PLCB1: variants seen among roughly 807,000 people sequenced by gnomAD.
PLCB1 encodes phospholipase C beta 1, also known as 1-phosphatidylinositol 4,5-bisphosphate phosphodiesterase beta-1.
Under a neutral mutation model 161.8 loss-of-function variants are expected in PLCB1, and 46 were observed. That is an observed-to-expected ratio of 0.28 (90% CI 0.22 to 0.36). The LOEUF is 0.36. PLCB1 is among the 10% of genes least tolerant of loss of function. The pLI is 1.00. For missense variants in PLCB1, 1,016 were observed against 1,472.5 expected (o/e 0.69, Z 5.07); for synonymous variants, 517 against 503.7 (o/e 1.03, Z -0.35).
chr20:8,595,026 T>C lies in PLCB1; in HGVS notation c.247-33268T>C, dbSNP rs576862244. 5.2e-4 allele frequency among the ~76,000 whole-genome samples: 79 copies of C among 152,344 alleles called. 2 individuals are homozygous for C. In the South Asian group the frequency reaches 0.016, roughly 31 times the overall value. ...CATTCAAAAGTATATATAGACTACA[T>C]AACATATGCATCTTAGGTGTAATAC... is the stretch of plus-strand genomic sequence containing the variant. On this transcript the variant is annotated intron_variant, in intron 3 of 31. Transcript: ENST00000338037.
chr20:8,772,939 A>G lies in PLCB1; in HGVS notation c.2931-1600A>G, dbSNP rs185839584. On this transcript the variant is annotated intron_variant, in intron 26 of 31. Transcript: ENST00000338037. ...GAGCAAAACTCCATCTCAAAAAAAGAAAGAAAAGAAAAGAAAAAAGATAAT... is the reference window on the plus strand; with the variant it reads ...GAGCAAAACTCCATCTCAAAAAAAGGAAGAAAAGAAAAGAAAAAAGATAAT... Among the ~76,000 whole-genome samples, 408 of 152,296 alleles carry G rather than the reference A, an allele frequency of 2.7e-3. 1 individual carries two copies. The highest frequency in any genetic ancestry group is 0.01 in the Middle Eastern group (3 of 294).
chr20:8,500,644 C>T (rs972434713), intron 3 of PLCB1, among the ~76,000 whole-genome samples: 1 of 152,188 alleles, frequency 6.6e-6, no homozygotes, highest in Non-Finnish European at 1.5e-5. Flanking sequence ...CACACCGTCT[C>T]TAAGTGTTTT....
intron 2 of PLCB1, among the ~76,000 whole-genome samples, chr20:8,299,131 A>AT (rs1353817834): frequency 6.6e-6 from 1 of 152,148 alleles, no homozygotes; most frequent in Non-Finnish European, 1.5e-5. Flanking sequence ...TAGCACCTGT[A>AT]CTTCCCATGC....
At chr20:8,513,701 G>A (rs77186775) in intron 3 of PLCB1, among the ~76,000 whole-genome samples, 13,137 of 152,164 alleles carry the variant, frequency 0.086, 689 homozygotes, top group Middle Eastern at 0.17. Context: ...ATGATAAAAC[G>A]CTACCAGAAC....
At chr20:8,574,834 T>G (rs57246131) in intron 3 of PLCB1, among the ~76,000 whole-genome samples, 1,704 of 152,340 alleles carry the variant, frequency 0.011, 32 homozygotes, top group African/African-American at 0.039. Context: ...TGTTAGGCCT[T>G]AAGCAGGCTC....
intron 3 of PLCB1, among the ~76,000 whole-genome samples, chr20:8,524,502 G>A (rs12625192): frequency 0.024 from 3,578 of 152,194 alleles, 112 homozygotes; most frequent in East Asian, 0.13. Context: ...CCTTGTAAAC[G>A]TGTCTTTGTC....
rs1446580504 is a variant in PLCB1, at chr20:8,140,271, T to C, written c.99+7521T>C. On this transcript the variant is annotated intron_variant, in intron 1 of 31. Coordinates refer to ENST00000338037, the MANE Select transcript of PLCB1 (RefSeq NM_015192.4). ...CCTGCTCCTCCAACCCTTCCAGTTT[T>C]TCTGTCAAGTGCTTACTTTATATTA... is the stretch of plus-strand genomic sequence containing the variant. 2.6e-5 allele frequency among the ~76,000 whole-genome samples: 4 copies of C among 152,352 alleles called. No individual in the cohort carries two copies. In the South Asian group the frequency reaches 6.2e-4, roughly 24 times the overall value.
Position 8,685,059 on chromosome 20 carries a change from G to T in PLCB1, c.990G>T (p.Ser330=). 1 of 1,613,810 alleles carries T rather than the reference G, an allele frequency of 6.2e-7. No individual in the cohort carries two copies. The highest frequency in any genetic ancestry group is 8.5e-7 in the Non-Finnish European group (1 of 1,179,860). ...TTTCTCACTATTTCATTAATTCCTC[G>T]CACAACACCTACCTCACAGGTATGA... ...QPLSHYFINS[S]HNTYLTAGQL... The change falls in exon 10 of 32, where the codon TCG becomes TCT. Residue 330 remains serine, a synonymous_variant. Coordinates refer to ENST00000338037, the MANE Select transcript of PLCB1 (RefSeq NM_015192.4).
chr20:8,722,932 T>C (rs1979728321), intron 15 of PLCB1, among the ~76,000 whole-genome samples: 2 of 152,164 alleles, frequency 1.3e-5, no homozygotes, highest in Non-Finnish European at 2.9e-5. Flanking sequence ...GGCAGGAGGA[T>C]GGCTTGAGTC....
At chr20:8,236,581 G>T (rs1339354417) in intron 2 of PLCB1, among the ~76,000 whole-genome samples, 1 of 151,790 alleles carries the variant, frequency 6.6e-6, no homozygotes, top group Non-Finnish European at 1.5e-5. Context: ...TAAATCAATT[G>T]GGTAACACAG....
At chr20:8,732,672 A>G (rs2123499122) in intron 18 of PLCB1, among the ~76,000 whole-genome samples, 1 of 146,232 alleles carries the variant, frequency 6.8e-6, no homozygotes, top group East Asian at 2.0e-4. Context: ...ATAATATTCT[A>G]ATATATGCTT....
chr20:8,833,338 T>C (rs1470776886), intron 31 of PLCB1, among the ~76,000 whole-genome samples: 2 of 152,138 alleles, frequency 1.3e-5, no homozygotes, highest in African/African-American at 4.8e-5. Flanking sequence ...TATAAAACCA[T>C]CAGATCTCAT....
At chr20:8,581,990 G>A (rs546369272) in intron 3 of PLCB1, among the ~76,000 whole-genome samples, 119 of 152,286 alleles carry the variant, frequency 7.8e-4, no homozygotes, top group African/African-American at 2.7e-3. Context: ...TGAGTCATGC[G>A]AATAGGTTGC....
chr20:8,837,178 C>T (rs2146285668), intron 31 of PLCB1, among the ~76,000 whole-genome samples: 1 of 152,222 alleles, frequency 6.6e-6, no homozygotes, highest in African/African-American at 2.4e-5. Context: ...TAAGGGCCTC[C>T]CTCAAGGCAG....
At chr20:8,380,329 C>A (rs1987219174) in intron 3 of PLCB1, among the ~76,000 whole-genome samples, 1 of 152,184 alleles carries the variant, frequency 6.6e-6, no homozygotes, top group East Asian at 1.9e-4. Flanking sequence ...GTACCAGTAC[C>A]ACCTGTTTCG....
Position 8,883,135 on chromosome 20 carries a change from A to G in PLCB1, c.*1286A>G, listed in dbSNP as rs1342885681. The G allele has an allele frequency of 6.6e-6, 1 of 152,286 alleles. No homozygotes were observed. The highest frequency in any genetic ancestry group is 2.4e-5 in the African/African-American group (1 of 41,466). The allele number at this position is 152,286 out of a possible 1,614,324, so 9.4% of individuals were successfully genotyped here. On this transcript the variant is annotated 3_prime_UTR_variant, in exon 32 of 32. Coordinates refer to ENST00000338037, the MANE Select transcript of PLCB1 (RefSeq NM_015192.4). The stretch of plus-strand genomic sequence containing the variant: ...TTTATATTTTGCAAGATCAAAAATT[A>G]GATGTTAAGTATCAGATTTTAAGCT...
chr20:8,446,498 C>T (rs549961429), intron 3 of PLCB1, among the ~76,000 whole-genome samples: 2 of 152,290 alleles, frequency 1.3e-5, no homozygotes, highest in South Asian at 4.1e-4. Context: ...AAAACTGGCA[C>T]AAGACAGGGA....
chr20:8,545,745 G>C (rs555182932), intron 3 of PLCB1, among the ~76,000 whole-genome samples: 20 of 152,260 alleles, frequency 1.3e-4, no homozygotes, highest in African/African-American at 4.8e-4. Flanking sequence ...GAAAGATAGT[G>C]GATGTATTTT....
At chr20:8,774,038 C>T (rs554379342) in intron 26 of PLCB1, among the ~76,000 whole-genome samples, 10 of 149,050 alleles carry the variant, frequency 6.7e-5, no homozygotes, top group Non-Finnish European at 1.5e-4. Flanking sequence ...TATCTGCACA[C>T]GGCATCTACA....
Sources: allele counts gnomAD v4.1 joint callset (sites outside exome capture counted in the v4.1 genomes callset), GRCh38; gene constraint gnomAD v4.1.1; transcripts MANE v1.5; gene names NCBI Gene and HGNC (gene_info 2026-07-23, HGNC 2026-07-21).